The following EPHA3 variants were observed in gnomAD, a reference collection of about 807,000 sequenced individuals.
EPHA3 encodes the protein ephrin type-A receptor 3.
Under a neutral mutation model 107.1 loss-of-function variants are expected in EPHA3, and 42 were observed. That is an observed-to-expected ratio of 0.39 (90% CI 0.31 to 0.51). EPHA3 has a LOEUF of 0.51. EPHA3 is among the 20% of genes least tolerant of loss of function. EPHA3 has a pLI of 0.78. For synonymous variants in EPHA3, 461 were observed against 424.8 expected, an observed-to-expected ratio of 1.09 and a Z score of -1.05; for missense variants, 1,183 against 1,211.2, an observed-to-expected ratio of 0.98 and a Z score of 0.35.
chr3:89,220,142 A>T (rs79421880), intron 3 of EPHA3, among the ~76,000 whole-genome samples: 1,890 of 152,282 alleles, frequency 0.012, 24 homozygotes, highest in African/African-American at 0.04. Flanking sequence ...GCAGACCAAC[A>T]TATAAATATG....
At chr3:89,315,556 A>G (rs1389583322) in intron 3 of EPHA3, among the ~76,000 whole-genome samples, 1 of 151,778 alleles carries the variant, frequency 6.6e-6, no homozygotes, top group East Asian at 1.9e-4. Flanking sequence ...AGCTAAATAA[A>G]TATCACTATC....
chr3:89,399,174 G>A (rs1427946678), intron 6 of EPHA3, 144 bp from the exon 7 acceptor site: 6 of 761,656 alleles, frequency 7.9e-6, no homozygotes, highest in Non-Finnish European at 1.2e-5. Flanking sequence ...TAAAATAATT[G>A]AAATAATCGA....
At chr3:89,444,988 G>C (rs1709853321) in intron 13 of EPHA3, among the ~76,000 whole-genome samples, 1 of 152,142 alleles carries the variant, frequency 6.6e-6, no homozygotes, top group South Asian at 2.1e-4. Flanking sequence ...TCTTGGCCAG[G>C]TGCGATGGCT....
chr3:89,439,286 G>A (rs1312039710), intron 13 of EPHA3, among the ~76,000 whole-genome samples: 1 of 152,160 alleles, frequency 6.6e-6, no homozygotes, highest in African/African-American at 2.4e-5. Flanking sequence ...CAGACTAAAT[G>A]TCAAGCTAAT....
At position 89,348,032 on chromosome 3, in the gene EPHA3, G is replaced by C. The variant is rs925501938; in HGVS notation, c.1306+5942G>C. On this transcript the variant is annotated intron_variant, in intron 5 of 16. Transcript: ENST00000336596. ...TTCGATTTGCCAGTATTTTATTGAG[G>C]ATTTTTGCATCAATGTTCATCAAGG... Among the ~76,000 whole-genome samples, 2 of 150,304 alleles carry C rather than the reference G, an allele frequency of 1.3e-5. 1 individual carries two copies. Among genetic ancestry groups the C allele is most frequent in the Non-Finnish European group, 3.0e-5 (2 of 67,240 alleles).
At chr3:89,141,426 A>G (rs553281099) in intron 2 of EPHA3, among the ~76,000 whole-genome samples, 2 of 151,692 alleles carry the variant, frequency 1.3e-5, no homozygotes, top group African/African-American at 2.4e-5. Flanking sequence ...ACTAGGCAGA[A>G]AGGGGGTAGA....
At chr3:89,208,462 G>GAAAGAAAGAAAGAAAGAAAGAA (rs1553664802) in intron 2 of EPHA3, among the ~76,000 whole-genome samples, 1,387 of 104,230 alleles carry the variant, frequency 0.013, 68 homozygotes, top group African/African-American at 0.027. Flanking sequence ...AAGAAAGAAA[G>GAAAGAAAGAAAGAAAGAAAGAA]AAAGAAAGAA....
intron 3 of EPHA3, among the ~76,000 whole-genome samples, chr3:89,267,847 A>C (rs1040015): frequency 0.096 from 14,567 of 152,190 alleles, 762 homozygotes; most frequent in Middle Eastern, 0.19. Flanking sequence ...TGCTGAGGTG[A>C]TGCTGAGCTC....
At chr3:89,114,728 C>A (rs1376171909) in intron 1 of EPHA3, among the ~76,000 whole-genome samples, 1 of 152,188 alleles carries the variant, frequency 6.6e-6, no homozygotes, top group East Asian at 1.9e-4. Flanking sequence ...TAAGCGAACA[C>A]GAGCGCCAGG....
intron 5 of EPHA3, among the ~76,000 whole-genome samples, chr3:89,383,488 A>G (rs1202702573): frequency 3.9e-5 from 6 of 152,074 alleles, no homozygotes; most frequent in Non-Finnish European, 5.9e-5. Context: ...AGAATCCTGC[A>G]AGCATCCACC....
At chr3:89,410,614 T>A (rs570953182) in intron 9 of EPHA3, among the ~76,000 whole-genome samples, 1 of 152,076 alleles carries the variant, frequency 6.6e-6, no homozygotes, top group African/African-American at 2.4e-5. Flanking sequence ...TGTTACTAAG[T>A]AAAGGCAAAT....
chr3:89,217,682 C>G (rs1275222221), intron 3 of EPHA3, among the ~76,000 whole-genome samples: 5 of 152,060 alleles, frequency 3.3e-5, no homozygotes, highest in Non-Finnish European at 7.4e-5. Context: ...TAGAAAGACC[C>G]TGAGTGTAAA....
chr3:89,160,047 C>T (rs1399598278), intron 2 of EPHA3, among the ~76,000 whole-genome samples: 2 of 151,544 alleles, frequency 1.3e-5, no homozygotes, highest in South Asian at 2.1e-4. Context: ...TACAATAACC[C>T]GACACTCTAA....
chr3:89,379,527 A>C (rs1708461590), intron 5 of EPHA3, among the ~76,000 whole-genome samples: 1 of 152,212 alleles, frequency 6.6e-6, no homozygotes, highest in Non-Finnish European at 1.5e-5. Context: ...ATATACTTGG[A>C]GGAGAAGTAG....
chr3:89,231,820 T>C (rs1208697837), intron 3 of EPHA3, among the ~76,000 whole-genome samples: 1 of 152,174 alleles, frequency 6.6e-6, no homozygotes, highest in East Asian at 1.9e-4. Flanking sequence ...TCTTCAGAAA[T>C]GATGACCCAA....
At chr3:89,203,355 A>C (rs67860850) in intron 2 of EPHA3, among the ~76,000 whole-genome samples, 82,994 of 142,422 alleles carry the variant, frequency 0.58, 26,136 homozygotes, top group Non-Finnish European at 0.69. Flanking sequence ...CAAAACAAAA[A>C]AAAAATTACA....
chr3:89,151,103 T>G (rs2107043614), intron 2 of EPHA3, among the ~76,000 whole-genome samples: 1 of 152,102 alleles, frequency 6.6e-6, no homozygotes, highest in African/African-American at 2.4e-5. Flanking sequence ...AAGATAAAAA[T>G]TATACAGGAA....
At chr3:89,316,505 A>AATATATATATATATATATATAT (rs58576798) in intron 3 of EPHA3, among the ~76,000 whole-genome samples, 7 of 104,134 alleles carry the variant, frequency 6.7e-5, no homozygotes, top group South Asian at 3.8e-4. Flanking sequence ...GTGTGTGTGT[A>AATATATATATATATATATATAT]ATATATATAT....
Position 89,368,750 on chromosome 3 carries a change from C to T in EPHA3, c.1306+26660C>T, listed in dbSNP as rs1404748745. Among the ~76,000 whole-genome samples the T allele has an allele frequency of 2.7e-5, 4 of 149,858 alleles. No individual in the cohort carries two copies. In the Admixed American group the frequency reaches 2.7e-4, roughly 10 times the overall value. ...ACCCACCTTAGTGAGGGTAGATCTT[C>T]TTTACTCAATCCATCTATTAAAATG... On this transcript the variant is annotated intron_variant, in intron 5 of 16. Transcript: ENST00000336596.
Sources: gnomAD v4.1 joint callset for allele counts (sites outside exome capture counted in the v4.1 genomes callset) on GRCh38, gnomAD v4.1.1 for gene constraint, MANE v1.5 for transcripts, NCBI Gene and HGNC (gene_info 2026-07-23, HGNC 2026-07-21) for gene names.